UST: variants seen among roughly 807,000 people sequenced by gnomAD.
The protein encoded by UST is chondroitin sulfate 2-O-sulfotransferase.
A neutral mutation model predicts 45.6 loss-of-function variants in UST; 21 were observed. That is an observed-to-expected ratio of 0.46 (90% CI 0.33 to 0.66). UST has a LOEUF of 0.66. Ranked by LOEUF, UST falls within the 30% of genes least tolerant of loss-of-function variation. The probability of loss-of-function intolerance (pLI) is 0.02; values close to 1 mark genes in which losing one functional copy is unlikely to be tolerated. For synonymous variants in UST, 215 were observed against 200.6 expected, an observed-to-expected ratio of 1.07 and a Z score of -0.61; for missense variants, 463 against 512.4, an observed-to-expected ratio of 0.90 and a Z score of 0.93.
chr6:148,758,564 C>T (rs140467740), intron 1 of UST, among the ~76,000 whole-genome samples: 28 of 152,304 alleles, frequency 1.8e-4, no homozygotes, highest in African/African-American at 5.3e-4. Flanking sequence ...CCAGAACTTC[C>T]CCCATTCATG....
At chr6:149,037,897 A>AAGGTAGAAGGCCAGCC (rs1425129659) in intron 7 of UST, among the ~76,000 whole-genome samples, 2 of 152,212 alleles carry the variant, frequency 1.3e-5, no homozygotes, top group African/African-American at 4.8e-5. Flanking sequence ...CTGGGTCAGC[A>AAGGTAGAAGGCCAGCC]AGGTAGAAGG....
intron 2 of UST, among the ~76,000 whole-genome samples, chr6:148,916,420 T>G: frequency 6.6e-6 from 1 of 152,180 alleles, no homozygotes; most frequent in Non-Finnish European, 1.5e-5. Flanking sequence ...AATGGGGCAT[T>G]GGCTCTAAGT....
intron 1 of UST, among the ~76,000 whole-genome samples, chr6:148,801,757 A>T (rs1036055553): frequency 6.6e-6 from 1 of 151,906 alleles, no homozygotes; most frequent in East Asian, 1.9e-4. Context: ...GGCATATCTC[A>T]TTCTCTCTCT....
At chr6:148,841,581 G>GTTTTTTTTTTTTTTTTTTTT (rs770638985) in intron 1 of UST, among the ~76,000 whole-genome samples, 2 of 111,290 alleles carry the variant, frequency 1.8e-5, no homozygotes, top group Non-Finnish European at 1.9e-5. Flanking sequence ...GGTCTGTTTT[G>GTTTTTTTTTTTTTTTTTTTT]TTTTTGTTTT....
chr6:149,049,480 G>A (rs1776447490), intron 7 of UST, among the ~76,000 whole-genome samples: 2 of 152,204 alleles, frequency 1.3e-5, no homozygotes, highest in Admixed American at 1.3e-4. Flanking sequence ...TCTTTGGGTG[G>A]TGGGATTATT....
intron 2 of UST, among the ~76,000 whole-genome samples, chr6:148,918,132 A>G (rs542478107): frequency 1.1e-4 from 16 of 152,240 alleles, no homozygotes; most frequent in African/African-American, 3.4e-4. Context: ...TTGCTGCAAA[A>G]CCATCGGTAA....
chr6:149,041,747 C>T (rs1023182304), intron 7 of UST, among the ~76,000 whole-genome samples: 7 of 152,216 alleles, frequency 4.6e-5, no homozygotes, highest in Non-Finnish European at 1.0e-4. Flanking sequence ...CAGATTCCCC[C>T]GCTACATGCC....
chr6:148,829,093 T>C (rs1777630521), intron 1 of UST, among the ~76,000 whole-genome samples: 5 of 152,082 alleles, frequency 3.3e-5, no homozygotes, highest in Admixed American at 3.3e-4. Flanking sequence ...GCTCCAGATC[T>C]AGCTGAGGGT....
intron 5 of UST, among the ~76,000 whole-genome samples, chr6:149,010,612 C>T (rs943530171): frequency 4.0e-5 from 6 of 151,816 alleles, no homozygotes; most frequent in Non-Finnish European, 7.4e-5. Flanking sequence ...GTGACTATTT[C>T]GGCCGGGTCC....
intron 1 of UST, among the ~76,000 whole-genome samples, chr6:148,868,594 C>T (rs1467031482): frequency 1.3e-5 from 2 of 152,140 alleles, no homozygotes; most frequent in Non-Finnish European, 2.9e-5. Flanking sequence ...GAAAAGAAAC[C>T]GATCTACTAA....
At chr6:148,995,045 G>C (rs1210473716) in intron 5 of UST, among the ~76,000 whole-genome samples, 1 of 152,070 alleles carries the variant, frequency 6.6e-6, no homozygotes, top group Admixed American at 6.5e-5. Flanking sequence ...GTGTGTGTGA[G>C]ACAGAGTCTC....
rs79947376 is a variant in UST, at chr6:148,844,054, A to G, written c.248-42932A>G. Reference sequence around the variant, plus strand: ...AAAATACTATTTCAAGGACTAATTTATACCATCGTCTCCTTTAGGTAGCTT... The same window carrying G: ...AAAATACTATTTCAAGGACTAATTTGTACCATCGTCTCCTTTAGGTAGCTT... On this transcript the variant is annotated intron_variant, in intron 1 of 7. Transcript: ENST00000367463. Among the ~76,000 whole-genome samples the G allele has an allele frequency of 9.7e-3, 1,471 of 152,312 alleles. 21 individuals carry two copies. The highest frequency in any genetic ancestry group is 0.034 in the African/African-American group (1,397 of 41,574).
chr6:148,860,308 G>A (rs1041046754), intron 1 of UST, among the ~76,000 whole-genome samples: 1 of 152,112 alleles, frequency 6.6e-6, no homozygotes, highest in Non-Finnish European at 1.5e-5. Context: ...TCTGTTATTG[G>A]TGTATAGGAA....
Position 149,049,931 on chromosome 6 carries a change from T to TCTCTCTCA in UST, c.938-23901_938-23900insTCTCTCAC, listed in dbSNP as rs1475301439. Among the ~76,000 whole-genome samples, 108 of 134,542 alleles carry TCTCTCTCA rather than the reference T, an allele frequency of 8.0e-4. 1 individual carries two copies. The East Asian group carries it at 0.021, about 26-fold the overall frequency. The allele number at this position is 134,542 out of a possible 152,430, so 88.3% of individuals were successfully genotyped here. On this transcript the variant is annotated intron_variant, in intron 7 of 7. Transcript: ENST00000367463. Reference sequence around the variant, plus strand: ...TTGTCTCTCTCTCTCTCTCTCTCTCTCACACACACACACACACACACACAC... The same window carrying TCTCTCTCA: ...TTGTCTCTCTCTCTCTCTCTCTCTCTCTCTCTCACACACACACACACACACACACACAC...
At chr6:148,789,429 T>C (rs1282350343) in intron 1 of UST, among the ~76,000 whole-genome samples, 5 of 81,566 alleles carry the variant, frequency 6.1e-5, no homozygotes, top group Admixed American at 2.3e-4. Flanking sequence ...TGTGCAGATC[T>C]CTCTCTCTCT....
chr6:148,859,745 T>G (rs916286995), intron 1 of UST, among the ~76,000 whole-genome samples: 1 of 152,224 alleles, frequency 6.6e-6, no homozygotes, highest in African/African-American at 2.4e-5. Flanking sequence ...ATTTATTAAA[T>G]AGGGAATCCT....
At chr6:148,865,170 A>T (rs770747506) in intron 1 of UST, among the ~76,000 whole-genome samples, 1 of 152,204 alleles carries the variant, frequency 6.6e-6, no homozygotes, top group South Asian at 2.1e-4. Flanking sequence ...TTGGTGTGGC[A>T]TGTTTAAGAA....
intron 3 of UST, among the ~76,000 whole-genome samples, chr6:148,941,668 G>C (rs905490409): frequency 1.3e-5 from 2 of 152,180 alleles, no homozygotes; most frequent in South Asian, 2.1e-4. Flanking sequence ...ATGAAGGACT[G>C]TATGTACTTG....
intron 2 of UST, among the ~76,000 whole-genome samples, chr6:148,898,880 C>G (rs533721032): frequency 1.3e-5 from 2 of 151,922 alleles, no homozygotes; most frequent in Admixed American, 1.3e-4. Context: ...GCTGGGCTGT[C>G]TATAACAAAA....
Sources: gnomAD v4.1 joint callset for allele counts (sites outside exome capture counted in the v4.1 genomes callset) on GRCh38, gnomAD v4.1.1 for gene constraint, MANE v1.5 for transcripts, NCBI Gene and HGNC (gene_info 2026-07-23, HGNC 2026-07-21) for gene names.